Variants in SLC26A8 observed in about 807,000 individuals in gnomAD.
SLC26A8 encodes solute carrier family 26 member 8.
SLC26A8 carries 70 observed loss-of-function variants against 105.0 expected under a neutral mutation model. The ratio of observed to expected loss-of-function variants is 0.67; its 90% CI spans 0.55 to 0.81. SLC26A8 has a LOEUF of 0.81. SLC26A8 is among the 40% of genes least tolerant of loss of function. The probability of loss-of-function intolerance (pLI) is 0.00; values close to 1 mark genes in which losing one functional copy is unlikely to be tolerated. For synonymous variants in SLC26A8, 415 were observed against 438.3 expected (o/e 0.95, Z 0.66); for missense variants, 998 against 1,181.8 (o/e 0.84, Z 2.28).
At position 35,981,894 on chromosome 6, in the gene SLC26A8, C is replaced by T. The variant is rs149948903; in HGVS notation, c.1025+227G>A. 3.4e-4 allele frequency among the ~76,000 whole-genome samples: 52 copies of T among 152,186 alleles called. No individual in the cohort carries two copies. In the Middle Eastern group the frequency reaches 0.014, roughly 40 times the overall value. ...GGTATTCAGTGCATATAACAGTTTT[C>T]CTGGATAAGGGGATGGGTTCAACTA... On this transcript the variant is annotated intron_variant, in intron 8 of 19. Transcript: ENST00000490799. The surrounding 1 kb of genome is among the most constrained non-coding windows in gnomAD (Gnocchi z 4.0).
chr6:36,015,168 C>T (rs570895171), intron 2 of SLC26A8, among the ~76,000 whole-genome samples: 22 of 145,846 alleles, frequency 1.5e-4, no homozygotes, highest in Non-Finnish European at 2.8e-4. Flanking sequence ...AGTGCAGTGG[C>T]GCAATCCCAG....
At chr6:35,968,352 C>T (rs1017892400) in intron 11 of SLC26A8, among the ~76,000 whole-genome samples, 17 of 151,272 alleles carry the variant, frequency 1.1e-4, no homozygotes, top group African/African-American at 3.9e-4. Context: ...TCCATGTTGG[C>T]CAGGCGGGTC....
Position 35,950,103 on chromosome 6 carries a change from C to T in SLC26A8, c.2472+1060G>A, listed in dbSNP as rs115681977. Among the ~76,000 whole-genome samples the T allele has an allele frequency of 9.0e-3, 1,366 of 152,106 alleles. 17 individuals carry two copies. The highest frequency in any genetic ancestry group is 0.03 in the African/African-American group (1,251 of 41,508). On this transcript the variant is annotated intron_variant, in intron 19 of 19. Coordinates refer to ENST00000490799, the MANE Select transcript of SLC26A8 (RefSeq NM_052961.4). ...TGAGCCATCTCGCCCGCCCGTTGTA[C>T]GGTCTTAACTGTTTCAGATGTGGTG...
chr6:35,970,735 A>G (rs957232497), intron 10 of SLC26A8, among the ~76,000 whole-genome samples: 3 of 152,130 alleles, frequency 2.0e-5, no homozygotes, highest in African/African-American at 7.2e-5. Context: ...GTTGTATAAA[A>G]CTAGGTTAGG....
At position 35,959,897 on chromosome 6, in the gene SLC26A8, ATTC is replaced by A. The variant is rs1297536056; in HGVS notation, c.1639-94_1639-92del. 9 of 1,020,328 alleles carry A rather than the reference ATTC, an allele frequency of 8.8e-6. No individual in the cohort carries two copies. In the East Asian group the frequency reaches 1.9e-4, roughly 22 times the overall value. The allele number at this position is 1,020,328 out of a possible 1,614,324, so 63.2% of individuals were successfully genotyped here. On this transcript the variant is annotated intron_variant, in intron 14 of 19. Coordinates refer to ENST00000490799, the MANE Select transcript of SLC26A8 (RefSeq NM_052961.4). Reference sequence around the variant, plus strand: ...CCTTAGAAGCTCCTAGAGAGTCTGTATTCTTCTTTTTTATTTTTTTATTTTTTT... The same window carrying A: ...CCTTAGAAGCTCCTAGAGAGTCTGTATTCTTTTTTATTTTTTTATTTTTTT...
At chr6:35,992,480 TA>T (rs1011312835) in intron 6 of SLC26A8, 29 bp downstream of exon 6, 15 of 1,590,156 alleles carry the variant, frequency 9.4e-6, no homozygotes, top group Non-Finnish European at 1.3e-5. Flanking sequence ...GTGGCATTTG[TA>T]ACTCTGGGTA....
At chr6:35,966,035 A>G (rs547131080) in intron 11 of SLC26A8, among the ~76,000 whole-genome samples, 1 of 151,398 alleles carries the variant, frequency 6.6e-6, no homozygotes, top group Non-Finnish European at 1.5e-5. Context: ...TCTTGTGGTC[A>G]TGAAATTCCT....
At chr6:35,977,000 T>A (rs914429356) in intron 9 of SLC26A8, among the ~76,000 whole-genome samples, 2 of 152,174 alleles carry the variant, frequency 1.3e-5, no homozygotes, top group African/African-American at 4.8e-5. Context: ...CTGTATCATA[T>A]CTGTTCTAGG....
rs1174280749 is a variant in SLC26A8 at position 35,959,519 on chromosome 6, G to A, written c.1804C>T (p.Gln602Ter). The change falls in exon 16 of 20, where the codon CAA becomes TAA. Residue 602 changes from glutamine to a stop codon, truncating the protein, a stop_gained. Coordinates refer to ENST00000490799, the MANE Select transcript of SLC26A8 (RefSeq NM_052961.4). LOFTEE classifies it high-confidence loss of function. ...SLFNSSDTNL[Q>*]GGKICRCFCN... ...AAACACCTGCAAATCTTTCCTCCTT[G>A]TAGATTGGTGTCACTTGAATTAAAC... The A allele has an allele frequency of 6.2e-7, 1 of 1,614,056 alleles. No individual in the cohort carries two copies. Among genetic ancestry groups the A allele is most frequent in the Non-Finnish European group, 8.5e-7 (1 of 1,179,998 alleles).
intron 5 of SLC26A8, among the ~76,000 whole-genome samples, chr6:35,994,116 C>CTTT (rs1168753321): frequency 7.6e-5 from 5 of 66,220 alleles, no homozygotes; most frequent in Admixed American, 1.7e-4. Context: ...TTTTTCTTTT[C>CTTT]TTTTTTTTTT....
rs111391232 is a variant in SLC26A8 at position 35,994,336 on chromosome 6, G to A, written c.628-1662C>T. ...TCACCGTGTTAGCCAGGATGGTCTC[G>A]ATCTCCTGACCTTGTGATCCGCCCG... On this transcript the variant is annotated intron_variant, in intron 5 of 19. Transcript: ENST00000490799. 9.8e-3 allele frequency among the ~76,000 whole-genome samples: 1,482 copies of A among 151,756 alleles called. 34 individuals carry two copies. The highest frequency in any genetic ancestry group is 0.033 in the African/African-American group (1,362 of 41,412).
At position 35,955,324 on chromosome 6, in the gene SLC26A8, T is replaced by C; in HGVS notation, c.2060A>G (p.Asn687Ser). 1 of 1,614,176 alleles carries C rather than the reference T, an allele frequency of 6.2e-7. No homozygotes were observed. The highest frequency in any genetic ancestry group is 1.3e-5 in the African/African-American group (1 of 75,048). The change falls in exon 17 of 20, where the codon AAT becomes AGT. Residue 687 changes from asparagine (N) to serine (S), a missense_variant. Physicochemically the swap from Asn to Ser is conservative, Grantham distance 46. Coordinates refer to ENST00000490799, the MANE Select transcript of SLC26A8 (RefSeq NM_052961.4). ...TGGTGAGCTGTTTCTTGATGAGTTA[T>C]TAGGAAGCCAAACTTCCTCCACCTC... The part of the protein sequence containing the change: ...YEEVEEVWLP[N>S]NSSRNSSPGL...
At chr6:35,961,483 C>A (rs775890092) in intron 12 of SLC26A8, among the ~76,000 whole-genome samples, 6 of 152,176 alleles carry the variant, frequency 3.9e-5, no homozygotes, top group Non-Finnish European at 8.8e-5. Context: ...CTTTACCATC[C>A]TTTTCAGGCC....
At chr6:35,996,787 C>T (rs548213770) in intron 5 of SLC26A8, among the ~76,000 whole-genome samples, 2 of 152,154 alleles carry the variant, frequency 1.3e-5, no homozygotes, top group Non-Finnish European at 2.9e-5. Context: ...ATAATCCCAA[C>T]AGTTTGGGAG....
chr6:35,958,496 A>G (rs952947515), intron 16 of SLC26A8, among the ~76,000 whole-genome samples: 1 of 150,486 alleles, frequency 6.6e-6, no homozygotes, highest in African/African-American at 2.5e-5. Context: ...ACTATTATGA[A>G]AGAAAAAAAC....
intron 16 of SLC26A8, among the ~76,000 whole-genome samples, chr6:35,957,330 A>T (rs561721249): frequency 1.3e-5 from 2 of 148,848 alleles, no homozygotes; most frequent in Non-Finnish European, 3.0e-5. Context: ...TGATGTTTCT[A>T]TTTTTTTTTT....
intron 2 of SLC26A8, 49 bp downstream of exon 2, chr6:36,019,471 T>G: frequency 6.4e-7 from 1 of 1,567,942 alleles, no homozygotes; most frequent in Non-Finnish European, 8.7e-7. Context: ...TCAGGTTAGG[T>G]TTCAGTCCTG....
At chr6:35,979,469 CTG>C (rs976356177) in intron 8 of SLC26A8, among the ~76,000 whole-genome samples, 3 of 152,096 alleles carry the variant, frequency 2.0e-5, no homozygotes, top group African/African-American at 7.2e-5. Flanking sequence ...GAGCTAGACT[CTG>C]TCTCAAAAAA....
At chr6:35,961,892 T>C (rs1326293325) in intron 12 of SLC26A8, among the ~76,000 whole-genome samples, 1 of 152,216 alleles carries the variant, frequency 6.6e-6, no homozygotes, top group Non-Finnish European at 1.5e-5. Flanking sequence ...TTATTGGGAT[T>C]GGAGACTCCT....
Sources: gnomAD v4.1 joint callset for allele counts (sites outside exome capture counted in the v4.1 genomes callset) on GRCh38, gnomAD v4.1.1 for gene constraint, Gnocchi (gnomAD v3.1) non-coding constraint, MANE v1.5 for transcripts, NCBI Gene and HGNC (gene_info 2026-07-23, HGNC 2026-07-21) for gene names.